NID2: variants seen among roughly 807,000 people sequenced by gnomAD.
NID2 encodes the protein nidogen 2.
In NID2, 83 loss-of-function variants were observed where a neutral mutation model predicts 145.4. The observed-to-expected ratio is 0.57, with a 90% CI of 0.48 to 0.69. NID2 has a LOEUF of 0.69. Ranked by LOEUF, NID2 falls within the 30% of genes least tolerant of loss-of-function variation. The pLI, the probability that NID2 is intolerant of heterozygous loss-of-function variation, is 0.00. For missense variants in NID2, 1,807 were observed against 1,765.7 expected, an observed-to-expected ratio of 1.02 and a Z score of -0.42; for synonymous variants, 739 against 701.3, an observed-to-expected ratio of 1.05 and a Z score of -0.85.
intron 5 of NID2, among the ~76,000 whole-genome samples, chr14:52,048,207 T>A (rs1451269944): frequency 6.6e-6 from 1 of 152,340 alleles, no homozygotes; most frequent in Admixed American, 6.5e-5. Flanking sequence ...GCTCAGTGCT[T>A]ACGGCCCATT....
intron 5 of NID2, among the ~76,000 whole-genome samples, chr14:52,046,680 G>T (rs1892508584): frequency 6.6e-6 from 1 of 152,218 alleles, no homozygotes; most frequent in South Asian, 2.1e-4. Flanking sequence ...TACAGAAAAA[G>T]AAGTTATAAC....
chr14:52,014,028 C>T, intron 16 of NID2: 1 of 531,806 alleles, frequency 1.9e-6, no homozygotes, highest in Non-Finnish European at 3.4e-6. Flanking sequence ...GTGCTGACAA[C>T]TCTAAAGTTC....
intron 9 of NID2, among the ~76,000 whole-genome samples, chr14:52,035,712 T>C (rs1184617287): frequency 6.6e-6 from 1 of 151,906 alleles, no homozygotes; most frequent in Non-Finnish European, 1.5e-5. Context: ...GGAGTCTCAC[T>C]CTGTTGCACA....
intron 9 of NID2, among the ~76,000 whole-genome samples, chr14:52,029,923 A>AGTAG (rs1458898091): frequency 2.6e-5 from 4 of 152,284 alleles, no homozygotes; most frequent in Non-Finnish European, 5.9e-5. Context: ...ACTTGCTTTC[A>AGTAG]GTAGGTTTGC....
At position 52,015,200 on chromosome 14, in the gene NID2, C is replaced by G. The variant is rs749092514; in HGVS notation, c.3104G>C (p.Arg1035Pro). The change falls in exon 15 of 22, where the codon CGG (arginine) becomes CCG (proline). Residue 1035 changes from arginine (R) to proline (P), a missense_variant. Coordinates refer to ENST00000216286, the MANE Select transcript of NID2 (RefSeq NM_007361.4). Reference sequence around the variant, plus strand: ...GCACTGGGGCACGTACTGGTCATCCCGGGGGGTGCCACCGTAGTGCTCCAG... The same window carrying G: ...GCACTGGGGCACGTACTGGTCATCCGGGGGGGTGCCACCGTAGTGCTCCAG... ...NLLEHYGGTP[R>P]DDQYVPQCDD... is the part of the protein sequence containing the mutation. 1.2e-6 allele frequency: 2 copies of G among 1,613,804 alleles called. No homozygotes were observed. Among genetic ancestry groups the G allele is most frequent in the Non-Finnish European group, 1.7e-6 (2 of 1,179,950 alleles).
At chr14:52,012,977 C>T (rs1005657077) in intron 16 of NID2, among the ~76,000 whole-genome samples, 15 of 152,196 alleles carry the variant, frequency 9.9e-5, no homozygotes, top group African/African-American at 3.6e-4. Context: ...GATTTGGCTT[C>T]AGTGGAAAAA....
intron 2 of NID2, among the ~76,000 whole-genome samples, chr14:52,067,615 C>A (rs1354534533): frequency 5.9e-5 from 9 of 152,216 alleles, no homozygotes; most frequent in African/African-American, 2.2e-4. Flanking sequence ...ATCTGCACTC[C>A]CGCTCTCATA....
chr14:52,055,287 C>T (rs1595051770), intron 3 of NID2, among the ~76,000 whole-genome samples: 1 of 152,326 alleles, frequency 6.6e-6, no homozygotes, highest in African/African-American at 2.4e-5. Context: ...AACCATACCA[C>T]ACACTGCAGT....
chr14:52,048,524 CT>C (rs975696507), intron 5 of NID2, among the ~76,000 whole-genome samples: 2 of 152,098 alleles, frequency 1.3e-5, no homozygotes, highest in African/African-American at 4.8e-5. Flanking sequence ...GGCACTTTTT[CT>C]TTTCGGTGGT....
At chr14:52,040,035 G>A (rs771714145) in intron 8 of NID2, among the ~76,000 whole-genome samples, 1 of 152,174 alleles carries the variant, frequency 6.6e-6, no homozygotes, top group Non-Finnish European at 1.5e-5. Context: ...CCACTTCCCA[G>A]GTTCAGATGA....
rs149021065 is a variant in NID2, at chr14:52,005,784, C to T, written c.4070G>A (p.Arg1357Gln). 11 of 1,613,762 alleles carry T rather than the reference C, an allele frequency of 6.8e-6. No individual in the cohort carries two copies. Among genetic ancestry groups the T allele is most frequent in the African/African-American group, 6.7e-5 (5 of 74,900 alleles). ...TGCAGTTATCCCGTAGAGGTGAGAT[C>T]GTTGTTCTGGGAGATACTCATCAGT... is the stretch of plus-strand genomic sequence containing the variant. ...QFTDEYLPEQ[R>Q]SHLYGITAVY... is the part of the protein sequence containing the mutation. The change falls in exon 21 of 22, where the codon CGA becomes CAA. Residue 1357 changes from arginine to glutamine, a missense_variant. Physicochemically the swap from Arg to Gln is conservative, Grantham distance 43. Coordinates refer to ENST00000216286, the MANE Select transcript of NID2 (RefSeq NM_007361.4).
At chr14:52,035,878 A>ATATACATATATATATATT (rs58318209) in intron 9 of NID2, among the ~76,000 whole-genome samples, 1 of 135,204 alleles carries the variant, frequency 7.4e-6, no homozygotes, top group African/African-American at 2.8e-5. Flanking sequence ...ATATATATAT[A>ATATACATATATATATATT]TGTTTTATTT....
chr14:52,006,649 G>GT lies in NID2; in HGVS notation c.3891dup (p.Leu1298ThrfsTer7). The GT allele has an allele frequency of 6.2e-7, 1 of 1,613,296 alleles. No individual in the cohort carries two copies. The highest frequency in any genetic ancestry group is 8.5e-7 in the Non-Finnish European group (1 of 1,179,554). On this transcript the variant is annotated frameshift_variant, in exon 20 of 22. Coordinates refer to ENST00000216286, the MANE Select transcript of NID2 (RefSeq NM_007361.4). LOFTEE classifies it high-confidence loss of function. Reference sequence around the variant, plus strand: ...GTTCCATCAGGTAGTGTACACTCCAGTTTTTTGGTTCCTTTTAAAACAAAG... The same window carrying GT: ...GTTCCATCAGGTAGTGTACACTCCAGTTTTTTTGGTTCCTTTTAAAACAAAG...
chr14:52,041,148 C>T (rs1428317008), intron 7 of NID2, among the ~76,000 whole-genome samples: 1 of 150,440 alleles, frequency 6.6e-6, no homozygotes, highest in African/African-American at 2.5e-5. Context: ...CTAGACTTAG[C>T]AAAAAACAAA....
Position 52,029,655 on chromosome 14 carries a change from C to T in NID2, c.2293G>A (p.Asp765Asn), listed in dbSNP as rs148347090. Reference sequence around the variant, plus strand: ...GTTGTGTCACACATGTGGCTCCCATCATAGCAAGGATTCCCCGGAGTGGGG... The same window carrying T: ...GTTGTGTCACACATGTGGCTCCCATTATAGCAAGGATTCCCCGGAGTGGGG... The part of the protein sequence containing the change: ...SDPTPGNPCY[D>N]GSHMCDTTAR... The change falls in exon 10 of 22, where the codon GAT becomes AAT. Residue 765 changes from aspartate to asparagine, a missense_variant. Coordinates refer to ENST00000216286, the MANE Select transcript of NID2 (RefSeq NM_007361.4). The T allele has an allele frequency of 1.2e-4, 197 of 1,614,070 alleles. No individual in the cohort carries two copies. The African/African-American group carries it at 2.3e-3, about 19-fold the overall frequency.
chr14:52,016,989 G>T (rs1045648659), intron 14 of NID2, among the ~76,000 whole-genome samples: 21 of 152,176 alleles, frequency 1.4e-4, no homozygotes, highest in African/African-American at 3.9e-4. Flanking sequence ...GGGAGACAAA[G>T]CTCTTTTTAA....
At chr14:52,022,998 G>C (rs1357025707) in intron 12 of NID2, among the ~76,000 whole-genome samples, 1 of 152,166 alleles carries the variant, frequency 6.6e-6, no homozygotes, top group Non-Finnish European at 1.5e-5. Flanking sequence ...TTGTACCCCT[G>C]TATGGCATGT....
intron 16 of NID2, 136 bp from the exon 17 acceptor site, chr14:52,011,819 G>A: frequency 9.7e-7 from 1 of 1,034,618 alleles, no homozygotes; most frequent in East Asian, 2.4e-5. Flanking sequence ...CAGAGTAGCT[G>A]GACATGTGGG....
At position 52,053,888 on chromosome 14, in the gene NID2, C is replaced by T. The variant is rs762270046; in HGVS notation, c.1120G>A (p.Val374Ile). The stretch of plus-strand genomic sequence containing the variant: ...TGGCCTTTTAAATCTGGGCCCCCTA[C>T]CTCTCCCAGAGATGTTCCTTCTTTG... ...HTKEGTSLGE[V>I]GGPDLKGQVE... The change falls in exon 5 of 22, where the codon GTA (valine) becomes ATA (isoleucine). Residue 374 changes from valine (V) to isoleucine (I), a missense_variant. Transcript: ENST00000216286. The T allele has an allele frequency of 6.2e-7, 1 of 1,614,118 alleles. No individual in the cohort carries two copies. The highest frequency in any genetic ancestry group is 1.3e-5 in the African/African-American group (1 of 75,058).
Sources: gnomAD v4.1 joint callset for allele counts (sites outside exome capture counted in the v4.1 genomes callset) on GRCh38, gnomAD v4.1.1 for gene constraint, MANE v1.5 for transcripts, NCBI Gene and HGNC (gene_info 2026-07-23, HGNC 2026-07-21) for gene names.